Variants in PSIP1 observed in about 807,000 individuals in gnomAD.
The protein encoded by PSIP1 is PC4 and SRSF1 interacting protein 1, also known as PC4 and SFRS1-interacting protein.
In PSIP1, 19 loss-of-function variants were observed where a neutral mutation model predicts 74.7. The ratio of observed to expected loss-of-function variants is 0.25; its 90% CI spans 0.18 to 0.37. The LOEUF (loss-of-function observed/expected upper bound fraction) is 0.37. PSIP1 is among the 10% of genes least tolerant of loss of function. The pLI is 1.00. For missense variants in PSIP1, 601 were observed against 614.3 expected, an observed-to-expected ratio of 0.98 and a Z score of 0.23; for synonymous variants, 222 against 195.3, an observed-to-expected ratio of 1.14 and a Z score of -1.14.
chr9:15,466,724 G>T, intron 15 of PSIP1, 24 bp downstream of exon 15: 2 of 1,541,652 alleles, frequency 1.3e-6, no homozygotes, highest in Non-Finnish European at 1.8e-6. Context: ...AAACACACAA[G>T]ACCCATTAAA....
At chr9:15,496,567 T>C (rs1341431007) in intron 3 of PSIP1, among the ~76,000 whole-genome samples, 1 of 152,228 alleles carries the variant, frequency 6.6e-6, no homozygotes, top group African/African-American at 2.4e-5. Flanking sequence ...TTCACTACAA[T>C]TGTTTTTTAT....
intron 10 of PSIP1, chr9:15,472,087 T>A (rs936073602): frequency 3.1e-6 from 3 of 981,586 alleles, no homozygotes; most frequent in African/African-American, 1.8e-5. Context: ...CCTGTCTCTA[T>A]AAGTATCAAA....
intron 3 of PSIP1, among the ~76,000 whole-genome samples, chr9:15,503,336 C>T (rs982719772): frequency 1.3e-5 from 2 of 151,542 alleles, no homozygotes; most frequent in Admixed American, 1.3e-4. Flanking sequence ...CACTGCACTC[C>T]AGCCTGGGCA....
intron 4 of PSIP1, among the ~76,000 whole-genome samples, chr9:15,488,279 C>T (rs1005535847): frequency 2.0e-5 from 3 of 152,018 alleles, no homozygotes; most frequent in Non-Finnish European, 4.4e-5. Context: ...TTCAGTGAGC[C>T]GAGATCACGC....
chr9:15,479,719 G>A (rs375946583), intron 6 of PSIP1, 32 bp from the exon 7 acceptor site: 30 of 1,559,976 alleles, frequency 1.9e-5, no homozygotes, highest in African/African-American at 1.5e-4. Flanking sequence ...AACTTATTTA[G>A]CAAATAGTAG....
chr9:15,494,709 ATAT>A (rs1205493320), intron 3 of PSIP1, among the ~76,000 whole-genome samples: 4 of 152,252 alleles, frequency 2.6e-5, no homozygotes, highest in African/African-American at 7.2e-5. Flanking sequence ...TTTCAAAGTA[ATAT>A]TATTATGCTA....
intron 14 of PSIP1, among the ~76,000 whole-genome samples, chr9:15,467,641 G>C (rs929363334): frequency 3.9e-5 from 6 of 152,158 alleles, no homozygotes; most frequent in African/African-American, 1.4e-4. Context: ...TGCCAAAGCT[G>C]GATGACAAGG....
At chr9:15,504,579 T>C (rs2037497678) in intron 3 of PSIP1, among the ~76,000 whole-genome samples, 1 of 151,704 alleles carries the variant, frequency 6.6e-6, no homozygotes, top group Admixed American at 6.6e-5. Flanking sequence ...CTACTAAAAA[T>C]ACAAAAAATT....
intron 6 of PSIP1, among the ~76,000 whole-genome samples, chr9:15,481,570 G>A (rs1298246107): frequency 6.6e-6 from 1 of 152,062 alleles, no homozygotes; most frequent in East Asian, 1.9e-4. Context: ...TGTAATCCCA[G>A]CCACTCAAGA....
At chr9:15,490,978 T>C (rs1223075019) in intron 3 of PSIP1, among the ~76,000 whole-genome samples, 1 of 152,222 alleles carries the variant, frequency 6.6e-6, no homozygotes, top group Non-Finnish European at 1.5e-5. Context: ...ATAAAGTCAC[T>C]GTGAAAACTG....
chr9:15,507,943 T>C (rs996896350), intron 2 of PSIP1, among the ~76,000 whole-genome samples: 7 of 152,238 alleles, frequency 4.6e-5, no homozygotes, highest in Non-Finnish European at 8.8e-5. Context: ...CTCAACTTTG[T>C]GGGAATGTCC....
chr9:15,499,875 CA>C (rs559078122), intron 3 of PSIP1, among the ~76,000 whole-genome samples: 100 of 68,344 alleles, frequency 1.5e-3, no homozygotes, highest in Middle Eastern at 8.9e-3. Context: ...GACTCTGTCT[CA>C]AAAAAAAAAA....
rs1563870373 is a variant in PSIP1 at position 15,473,918 on chromosome 9, AAAAAAAAACAAAAAAAAAAC to A, written c.858+71_858+90del. 704 of 853,306 alleles carry A rather than the reference AAAAAAAAACAAAAAAAAAAC, an allele frequency of 8.3e-4. 4 individuals are homozygous for A. In the African/African-American group the frequency reaches 0.014, roughly 17 times the overall value. The allele number at this position is 853,306 out of a possible 1,614,324, so 52.9% of individuals were successfully genotyped here. A position where few individuals can be genotyped will look rare whatever the true frequency, so the allele number is the denominator to read the frequency against. ...TCCATCTCAAACAAAAAAAAAACAA[AAAAAAAAACAAAAAAAAAAC>A]AAAGAAAAAACAAAAAATATATATA... is the stretch of plus-strand genomic sequence containing the variant. On this transcript the variant is annotated intron_variant, in intron 9 of 15. Coordinates refer to ENST00000380733, the MANE Select transcript of PSIP1 (RefSeq NM_033222.5).
chr9:15,466,801 G>C lies in PSIP1; in HGVS notation c.1479C>G (p.Asn493Lys). 1 of 1,613,266 alleles carries C rather than the reference G, an allele frequency of 6.2e-7. No individual in the cohort carries two copies. Among genetic ancestry groups the C allele is most frequent in the Middle Eastern group, 1.7e-4 (1 of 6,060 alleles). Residue 493 changes from asparagine (N) to lysine (K), a missense_variant, in exon 15 of 16, where the codon AAC becomes AAG. Asn to Lys is a moderately conservative substitution (Grantham distance 94). This residue lies in a region of PSIP1 where 538 missense variants were observed against 507.6 expected (regional missense o/e 1.06). Coordinates refer to ENST00000380733, the MANE Select transcript of PSIP1 (RefSeq NM_033222.5). ...CTTTGCTGTCTTCATTGCTCTCCCC[G>C]TTATGTTGTGGCTGATTACCATCTT... Reference protein sequence around the residue: ...DAQDGNQPQHNGESNEDSKDN... With the variant: ...DAQDGNQPQHKGESNEDSKDN...
intron 14 of PSIP1, among the ~76,000 whole-genome samples, chr9:15,468,123 T>TAAA (rs34755757): frequency 3.6e-5 from 5 of 140,506 alleles, no homozygotes; most frequent in African/African-American, 1.1e-4. Flanking sequence ...CTCCATCTTT[T>TAAA]AAAAAAAAAA....
At chr9:15,473,935 AAAC>A (rs1563870492) in intron 9 of PSIP1, 71 bp downstream of exon 9, 4 of 975,066 alleles carry the variant, frequency 4.1e-6, no homozygotes, top group African/African-American at 2.7e-5. Flanking sequence ...AACAAAAAAA[AAAC>A]AAAGAAAAAA....
chr9:15,496,047 C>T (rs1228601505), intron 3 of PSIP1, among the ~76,000 whole-genome samples: 3 of 152,158 alleles, frequency 2.0e-5, no homozygotes, highest in Non-Finnish European at 4.4e-5. Context: ...GCCAACTATA[C>T]ATCCGACTGT....
chr9:15,466,309 G>C (rs1282828290), intron 15 of PSIP1, among the ~76,000 whole-genome samples: 1 of 152,242 alleles, frequency 6.6e-6, no homozygotes, highest in Non-Finnish European at 1.5e-5. Context: ...AACCCAGGAA[G>C]TGGAGGTTGC....
In PSIP1 at chr9:15,479,285, A is replaced by G. The variant is rs374317326; in HGVS notation, c.553+306T>C. On this transcript the variant is annotated intron_variant, in intron 7 of 15. Coordinates refer to ENST00000380733, the MANE Select transcript of PSIP1 (RefSeq NM_033222.5). ...TTTCTCATTCTCTGATTATAACTCCATTTTGAAATCTTACGACTCTTAAGT... is the reference window on the plus strand; with the variant it reads ...TTTCTCATTCTCTGATTATAACTCCGTTTTGAAATCTTACGACTCTTAAGT... 3.9e-5 allele frequency among the ~76,000 whole-genome samples: 6 copies of G among 152,304 alleles called. No homozygotes were observed. The East Asian group carries it at 7.7e-4, about 20-fold the overall frequency.
Sources: allele counts gnomAD v4.1 joint callset (sites outside exome capture counted in the v4.1 genomes callset), GRCh38; gene constraint gnomAD v4.1.1; regional missense constraint gnomAD v4.1.1; transcripts MANE v1.5; gene names NCBI Gene and HGNC (gene_info 2026-07-23, HGNC 2026-07-21).